The following NR5A2 variants were observed in gnomAD, a reference collection of about 807,000 sequenced individuals.
NR5A2 encodes the protein CYP7A promoter-binding factor.
NR5A2 carries 26 observed loss-of-function variants against 62.7 expected under a neutral mutation model. The observed-to-expected ratio is 0.41, with a 90% confidence interval of 0.30 to 0.58. The LOEUF (loss-of-function observed/expected upper bound fraction) is 0.58, where lower values mean the gene tolerates loss of function less well. NR5A2 is among the 20% of genes least tolerant of loss of function. NR5A2 has a pLI of 0.22. For missense variants in NR5A2, 541 were observed against 669.1 expected (o/e 0.81, Z 2.11); for synonymous variants, 246 against 241.7 (o/e 1.02, Z -0.16).
rs1666454948 is a variant in NR5A2, at chr1:200,120,958, A to G, written c.1378+3A>G. 1 of 1,613,688 alleles carries G rather than the reference A, an allele frequency of 6.2e-7. No individual in the cohort carries two copies. The highest frequency in any genetic ancestry group is 8.5e-7 in the Non-Finnish European group (1 of 1,179,864). ...ATTCTTGGTGCTCTTTAGTTTAGGT[A>G]AGAAATCCTTTTCTCATGCTGTGCT... On this transcript the variant is annotated splice_donor_region_variant and intron_variant, in intron 7 of 7. Coordinates refer to ENST00000367362, the MANE Select transcript of NR5A2 (RefSeq NM_205860.3).
At chr1:200,173,610 T>C (rs1332994396) in intron 7 of NR5A2, among the ~76,000 whole-genome samples, 1 of 152,250 alleles carries the variant, frequency 6.6e-6, no homozygotes, top group Non-Finnish European at 1.5e-5. Flanking sequence ...TGGGTTAAGA[T>C]AGGTCTTTCT....
At chr1:200,046,977 G>C (rs1241116375) in intron 4 of NR5A2, among the ~76,000 whole-genome samples, 2 of 152,094 alleles carry the variant, frequency 1.3e-5, no homozygotes, top group East Asian at 3.8e-4. Flanking sequence ...TTATCATCCA[G>C]ATGAAAAACT....
chr1:200,059,267 G>C (rs1044976607), intron 5 of NR5A2, among the ~76,000 whole-genome samples: 9 of 152,150 alleles, frequency 5.9e-5, no homozygotes, highest in Non-Finnish European at 1.2e-4. Context: ...GAGGGGCACA[G>C]AATGAGGCAG....
At chr1:200,134,505 A>G (rs1430278347) in intron 7 of NR5A2, among the ~76,000 whole-genome samples, 2 of 152,232 alleles carry the variant, frequency 1.3e-5, no homozygotes, top group African/African-American at 2.4e-5. Context: ...GCCTAGGAGC[A>G]ATAGGCTTTA....
At position 200,043,905 on chromosome 1, in the gene NR5A2, A is replaced by G; in HGVS notation, c.321+13A>G. 4 of 1,512,690 alleles carry G rather than the reference A, an allele frequency of 2.6e-6. No homozygotes were observed. The highest frequency in any genetic ancestry group is 3.7e-6 in the Non-Finnish European group (4 of 1,092,054). 93.7% of individuals were successfully genotyped at this position (1,512,690 alleles called of 1,614,324 possible). A position where few individuals can be genotyped will look rare whatever the true frequency, so the allele number is the denominator to read the frequency against. ...TGAAAGCTGCAAGGTTTGCTCACAC[A>G]TTGCTACCTGAAAAATATAATGTCC... On this transcript the variant is annotated intron_variant, in intron 3 of 7. Transcript: ENST00000367362.
At chr1:200,061,753 T>C (rs1313838537) in intron 5 of NR5A2, among the ~76,000 whole-genome samples, 5 of 152,200 alleles carry the variant, frequency 3.3e-5, no homozygotes, top group Non-Finnish European at 7.3e-5. Context: ...GTCTCTGTCT[T>C]TCATTTTTGG....
intron 1 of NR5A2, among the ~76,000 whole-genome samples, chr1:200,036,899 C>T (rs148604455): frequency 4.1e-4 from 63 of 152,310 alleles, no homozygotes; most frequent in African/African-American, 1.5e-3. Flanking sequence ...GGCTTCCCTC[C>T]GTGATACAAG....
intron 5 of NR5A2, among the ~76,000 whole-genome samples, chr1:200,094,643 C>T (rs1329252228): frequency 6.9e-6 from 1 of 145,508 alleles, no homozygotes; most frequent in African/African-American, 2.6e-5. Context: ...TGCCATTCTC[C>T]TGCCTCAGCC....
At chr1:200,130,628 C>T (rs1304045279) in intron 7 of NR5A2, among the ~76,000 whole-genome samples, 1 of 152,228 alleles carries the variant, frequency 6.6e-6, no homozygotes, top group Non-Finnish European at 1.5e-5. Flanking sequence ...ATAGTCTAAA[C>T]ATCATAAAAT....
intron 5 of NR5A2, among the ~76,000 whole-genome samples, chr1:200,100,597 C>G (rs1012234484): frequency 1.6e-4 from 24 of 152,108 alleles, no homozygotes; most frequent in Admixed American, 3.3e-4. Flanking sequence ...TAAAACAGAC[C>G]ATTAGAAAGT....
At chr1:200,094,689 C>T (rs1027999549) in intron 5 of NR5A2, among the ~76,000 whole-genome samples, 37 of 151,450 alleles carry the variant, frequency 2.4e-4, no homozygotes, top group African/African-American at 8.0e-4. Context: ...CCTGCCACCA[C>T]GCCTGACTTA....
At chr1:200,060,939 TAA>T (rs60736317) in intron 5 of NR5A2, among the ~76,000 whole-genome samples, 1,325 of 87,822 alleles carry the variant, frequency 0.015, 9 homozygotes, top group African/African-American at 0.038. Flanking sequence ...CCATCTCTAC[TAA>T]AAAAAAAAAA....
At chr1:200,139,361 C>T (rs1013870194) in intron 7 of NR5A2, among the ~76,000 whole-genome samples, 1 of 152,102 alleles carries the variant, frequency 6.6e-6, no homozygotes, top group African/African-American at 2.4e-5. Context: ...GATTCCATTT[C>T]TGATCTTATT....
rs1184472778 is a variant in NR5A2 at position 200,111,146 on chromosome 1, G to A, written c.1111-56G>A. ...AATTACACAAAAACAAAAAAGTAGTGAATAACAGTGTCATTTTTTGTTTTT... is the reference window on the plus strand; with the variant it reads ...AATTACACAAAAACAAAAAAGTAGTAAATAACAGTGTCATTTTTTGTTTTT... On this transcript the variant is annotated intron_variant, in intron 5 of 7. Transcript: ENST00000367362. The A allele has an allele frequency of 1.0e-5, 16 of 1,588,892 alleles. No individual in the cohort carries two copies. The East Asian group carries it at 3.4e-4, about 33-fold the overall frequency.
intron 5 of NR5A2, among the ~76,000 whole-genome samples, chr1:200,091,203 G>A (rs2102252942): frequency 6.6e-6 from 1 of 152,228 alleles, no homozygotes; most frequent in South Asian, 2.1e-4. Flanking sequence ...TAGGGTTAGG[G>A]ACTAGACTGA....
At chr1:200,106,233 A>C (rs1665660025) in intron 5 of NR5A2, among the ~76,000 whole-genome samples, 1 of 151,740 alleles carries the variant, frequency 6.6e-6, no homozygotes, top group Admixed American at 6.6e-5. Context: ...AATTTTTTGT[A>C]TTTTTAGTAG....
At chr1:200,146,141 G>T (rs947859969) in intron 7 of NR5A2, among the ~76,000 whole-genome samples, 3 of 152,036 alleles carry the variant, frequency 2.0e-5, no homozygotes, top group African/African-American at 4.8e-5. Flanking sequence ...TATTAACAAG[G>T]TTACTAAATA....
At chr1:200,032,096 G>A (rs1056448539) in intron 1 of NR5A2, among the ~76,000 whole-genome samples, 1 of 152,188 alleles carries the variant, frequency 6.6e-6, no homozygotes, top group Non-Finnish European at 1.5e-5. Context: ...GGATGCACTA[G>A]GCAGGCAAGA....
At chr1:200,090,691 A>G (rs1664772532) in intron 5 of NR5A2, among the ~76,000 whole-genome samples, 1 of 152,128 alleles carries the variant, frequency 6.6e-6, no homozygotes, top group Non-Finnish European at 1.5e-5. Context: ...GGGAACAAAA[A>G]CCCTTCTCAG....
Sources: gnomAD v4.1 joint callset for allele counts (sites outside exome capture counted in the v4.1 genomes callset) on GRCh38, gnomAD v4.1.1 for gene constraint, MANE v1.5 for transcripts, NCBI Gene and HGNC (gene_info 2026-07-23, HGNC 2026-07-21) for gene names.